The following WWOX variants were observed in gnomAD, a reference collection of about 807,000 sequenced individuals.
WWOX encodes WW domain-containing oxidoreductase.
In WWOX, 69 loss-of-function variants were observed where a neutral mutation model predicts 46.2. That is an observed-to-expected ratio of 1.49 (90% CI 1.23 to 1.82). The LOEUF (loss-of-function observed/expected upper bound fraction) is 1.82, where lower values mean the gene tolerates loss of function less well. Ranked by LOEUF, WWOX falls within the 40% of genes most tolerant of loss-of-function variation. WWOX has a pLI of 0.00. For missense variants in WWOX, 919 were observed against 542.6 expected (o/e 1.69, Z -6.89); for synonymous variants, 359 against 202.6 (o/e 1.77, Z -6.56).
intron 6 of WWOX, among the ~76,000 whole-genome samples, chr16:78,402,262 T>TTAGC (rs753644957): frequency 7.2e-5 from 11 of 152,352 alleles, no homozygotes; most frequent in Non-Finnish European, 1.3e-4. Flanking sequence ...TGGCTTTCAC[T>TTAGC]TAGCATAATG....
At chr16:79,076,025 G>C (rs2048649448) in intron 8 of WWOX, among the ~76,000 whole-genome samples, 1 of 152,096 alleles carries the variant, frequency 6.6e-6, no homozygotes, top group Admixed American at 6.5e-5. Context: ...TCTTCTTACA[G>C]TATATGTAGA....
At chr16:79,085,440 C>T (rs1008326532) in intron 8 of WWOX, among the ~76,000 whole-genome samples, 2 of 152,154 alleles carry the variant, frequency 1.3e-5, no homozygotes, top group African/African-American at 4.8e-5. Flanking sequence ...AGCTTTTCTT[C>T]TTCCCAGTTC....
chr16:79,129,824 G>A (rs1460667914), intron 8 of WWOX, among the ~76,000 whole-genome samples: 2 of 152,188 alleles, frequency 1.3e-5, no homozygotes, highest in African/African-American at 4.8e-5. Flanking sequence ...ACCAGTCGAA[G>A]GAGGGTGACA....
chr16:79,182,531 AATT>A (rs1252994146), intron 8 of WWOX, among the ~76,000 whole-genome samples: 1 of 151,984 alleles, frequency 6.6e-6, no homozygotes, highest in African/African-American at 2.4e-5. Context: ...GAGGGAAAGT[AATT>A]AGCGGGGCCT....
chr16:79,026,700 C>T (rs921163457), intron 8 of WWOX, among the ~76,000 whole-genome samples: 3 of 147,586 alleles, frequency 2.0e-5, no homozygotes, highest in African/African-American at 7.6e-5. Flanking sequence ...TCACTGCAAC[C>T]TCCGCCTCCC....
At chr16:78,968,349 C>T (rs981232419) in intron 8 of WWOX, among the ~76,000 whole-genome samples, 2 of 152,228 alleles carry the variant, frequency 1.3e-5, no homozygotes, top group African/African-American at 4.8e-5. Context: ...ACCATGTGCT[C>T]TGAGCCCTGG....
chr16:78,870,327 A>C (rs557858795), intron 8 of WWOX, among the ~76,000 whole-genome samples: 1 of 152,212 alleles, frequency 6.6e-6, no homozygotes, highest in African/African-American at 2.4e-5. Flanking sequence ...TCTAAGAATC[A>C]TAAGTTTTTC....
intron 4 of WWOX, among the ~76,000 whole-genome samples, chr16:78,129,038 C>G (rs1160183356): frequency 6.6e-6 from 1 of 152,140 alleles, no homozygotes; most frequent in Non-Finnish European, 1.5e-5. Flanking sequence ...TGGGGAACAT[C>G]TCAGTCAGGG....
chr16:78,349,611 C>T lies in WWOX; in HGVS notation c.517-37249C>T, dbSNP rs763128240. On this transcript the variant is annotated intron_variant, in intron 5 of 8. Transcript: ENST00000566780. ...TTCACAGCCTTGCCATACCTTTTCC[C>T]GTTTATCCATGGATTGGTATGAGCC... Among the ~76,000 whole-genome samples, 6 of 120,054 alleles carry T rather than the reference C, an allele frequency of 5.0e-5. 1 individual carries two copies. Among genetic ancestry groups the T allele is most frequent in the Non-Finnish European group, 1.2e-4 (6 of 50,408 alleles). The allele number at this position is 120,054 out of a possible 152,430, so 78.8% of individuals were successfully genotyped here. A position where few individuals can be genotyped will look rare whatever the true frequency, so the allele number is the denominator to read the frequency against.
chr16:78,565,077 A>G (rs533937551), intron 8 of WWOX, among the ~76,000 whole-genome samples: 1 of 152,318 alleles, frequency 6.6e-6, no homozygotes, highest in African/African-American at 2.4e-5. Flanking sequence ...CTATAACTGG[A>G]AGGAACCTCA....
intron 8 of WWOX, among the ~76,000 whole-genome samples, chr16:78,772,078 C>T (rs2050078056): frequency 6.6e-6 from 1 of 152,060 alleles, no homozygotes; most frequent in African/African-American, 2.4e-5. Flanking sequence ...GGTACATGTG[C>T]AGGTTTGTTA....
intron 8 of WWOX, among the ~76,000 whole-genome samples, chr16:78,604,773 TCCC>T (rs2045706771): frequency 7.2e-4 from 1 of 1,392 alleles, no homozygotes; most frequent in African/African-American, 3.4e-3. Flanking sequence ...CCTCCCTCCT[TCCC>T]CCCTCCCTCC....
intron 8 of WWOX, among the ~76,000 whole-genome samples, chr16:78,992,314 A>G (rs2046904192): frequency 6.6e-6 from 1 of 152,046 alleles, no homozygotes; most frequent in Non-Finnish European, 1.5e-5. Context: ...AATACAAAAA[A>G]AAATTAGCCA....
chr16:78,744,623 G>C (rs1054759397), intron 8 of WWOX, among the ~76,000 whole-genome samples: 2 of 151,772 alleles, frequency 1.3e-5, no homozygotes, highest in Non-Finnish European at 2.9e-5. Flanking sequence ...GTAGAGATGA[G>C]GTTTCACCAT....
In WWOX at chr16:78,619,133, TAAAA is replaced by T. The variant is rs768370577; in HGVS notation, c.1056+186388_1056+186391del. On this transcript the variant is annotated intron_variant, in intron 8 of 8. Coordinates refer to ENST00000566780, the MANE Select transcript of WWOX (RefSeq NM_016373.4). ...CAACGTGGCAAAACCCCATTTCTAC[TAAAA>T]AAAAAATATATATATATATATATAT... is the stretch of plus-strand genomic sequence containing the variant. 6.8e-3 allele frequency among the ~76,000 whole-genome samples: 28 copies of T among 4,100 alleles called. 3 individuals are homozygous for T. Among genetic ancestry groups the T allele is most frequent in the South Asian group, 0.058 (6 of 104 alleles). The allele number at this position is 4,100 out of a possible 152,430, so 2.7% of individuals were successfully genotyped here. A position where few individuals can be genotyped will look rare whatever the true frequency, so the allele number is the denominator to read the frequency against.
intron 8 of WWOX, among the ~76,000 whole-genome samples, chr16:78,511,061 T>C (rs2085348996): frequency 6.6e-6 from 1 of 152,216 alleles, no homozygotes; most frequent in Non-Finnish European, 1.5e-5. Context: ...ATACTGCGTG[T>C]TTATAGTCCC....
chr16:78,485,970 C>G (rs2084626647), intron 8 of WWOX, among the ~76,000 whole-genome samples: 1 of 152,176 alleles, frequency 6.6e-6, no homozygotes, highest in East Asian at 1.9e-4. Flanking sequence ...TATTAAATGA[C>G]TCTGTTACCT....
intron 6 of WWOX, among the ~76,000 whole-genome samples, chr16:78,414,849 C>A (rs951098881): frequency 1.3e-5 from 2 of 152,078 alleles, no homozygotes; most frequent in Non-Finnish European, 2.9e-5. Flanking sequence ...CAGGAATGAC[C>A]AAAGACAGCT....
chr16:78,939,052 A>G (rs755111947), intron 8 of WWOX, among the ~76,000 whole-genome samples: 23 of 152,162 alleles, frequency 1.5e-4, no homozygotes, highest in Non-Finnish European at 2.5e-4. Context: ...AAAGAAATGG[A>G]ATTTCTAAAT....
Sources: allele counts gnomAD v4.1 joint callset (sites outside exome capture counted in the v4.1 genomes callset), GRCh38; gene constraint gnomAD v4.1.1; transcripts MANE v1.5; gene names NCBI Gene and HGNC (gene_info 2026-07-23, HGNC 2026-07-21).